MLYCD: variants seen among roughly 807,000 people sequenced by gnomAD.
MLYCD encodes malonyl-CoA decarboxylase.
Under a neutral mutation model 35.8 loss-of-function variants are expected in MLYCD, and 27 were observed. The ratio of observed to expected loss-of-function variants is 0.75; its 90% confidence interval spans 0.56 to 1.04. The LOEUF is 1.04. MLYCD is among the 50% of genes least tolerant of loss of function. MLYCD has a pLI of 0.00. For synonymous variants in MLYCD, 403 were observed against 302.4 expected (o/e 1.33, Z -3.45); for missense variants, 917 against 665.1 (o/e 1.38, Z -4.17).
In MLYCD at chr16:83,899,445, C is replaced by A; in HGVS notation, c.301C>A (p.Gln101Lys). 6.6e-7 allele frequency: 1 copy of A among 1,521,492 alleles called. No homozygotes were observed. The highest frequency in any genetic ancestry group is 2.0e-5 in the Admixed American group (1 of 48,948). The allele number at this position is 1,521,492 out of a possible 1,614,324, so 94.2% of individuals were successfully genotyped here. The change falls in exon 1 of 5, where the codon CAG becomes AAG. Residue 101 changes from glutamine to lysine, a missense_variant. By Grantham distance (53) the Gln-to-Lys change is moderately conservative. Transcript: ENST00000262430. The stretch of plus-strand genomic sequence containing the variant: ...GCGGGGCTTCGGCGTGGACCACGGC[C>A]AGGTGGCGGAGCAGAGCGCCGGCGT... ...LARGFGVDHGQVAEQSAGVLH... is the reference protein window; with the variant it reads ...LARGFGVDHGKVAEQSAGVLH...
intron 1 of MLYCD, among the ~76,000 whole-genome samples, chr16:83,901,312 G>T (rs1244187966): frequency 6.6e-6 from 1 of 152,174 alleles, no homozygotes; most frequent in Non-Finnish European, 1.5e-5. Flanking sequence ...CCATGTAAAT[G>T]ATCAGCTCCT....
rs1907816283 is a variant in MLYCD at position 83,926,628 on chromosome 16, C to T, written c.*11139C>T. On this transcript the variant is annotated 3_prime_UTR_variant, in exon 5 of 5. Coordinates refer to ENST00000262430, the MANE Select transcript of MLYCD (RefSeq NM_012213.3). Reference sequence around the variant, plus strand: ...AACACAAGGACACCTCCGATTTCGTCCTGTGAATGTTGATATTAGTGGTCC... The same window carrying T: ...AACACAAGGACACCTCCGATTTCGTTCTGTGAATGTTGATATTAGTGGTCC... The T allele has an allele frequency of 6.6e-6, 1 of 152,274 alleles. No individual in the cohort carries two copies. Among genetic ancestry groups the T allele is most frequent in the South Asian group, 2.1e-4 (1 of 4,830 alleles). 9.4% of individuals were successfully genotyped at this position (152,274 alleles called of 1,614,324 possible). A position where few individuals can be genotyped will look rare whatever the true frequency, so the allele number is the denominator to read the frequency against.
rs1907772651 is a variant in MLYCD, at chr16:83,925,312, A to C, written c.*9823A>C. ...GCGAGGCCACCTCCAACTGTGTAAC[A>C]CAGAAGCCTGGGTGCCATCCCTGGG... is the stretch of plus-strand genomic sequence containing the variant. On this transcript the variant is annotated 3_prime_UTR_variant, in exon 5 of 5. Coordinates refer to ENST00000262430, the MANE Select transcript of MLYCD (RefSeq NM_012213.3). 1.3e-5 allele frequency: 2 copies of C among 152,598 alleles called. No individual in the cohort carries two copies. The highest frequency in any genetic ancestry group is 1.3e-4 in the Admixed American group (2 of 15,278). 9.5% of individuals were successfully genotyped at this position (152,598 alleles called of 1,614,324 possible).
intron 4 of MLYCD, chr16:83,913,160 G>C (rs570057330): frequency 6.6e-6 from 1 of 152,422 alleles, no homozygotes; most frequent in Non-Finnish European, 1.5e-5. Flanking sequence ...GAGTGGGGAC[G>C]TTTACATGCT....
chr16:83,915,903 C>T lies in MLYCD; in HGVS notation c.*414C>T, dbSNP rs567659381. The stretch of plus-strand genomic sequence containing the variant: ...AGATAAGAATAGGTGTTCCTTTGTG[C>T]TCATAAAACAGAATGCGGCGATGGT... On this transcript the variant is annotated 3_prime_UTR_variant, in exon 5 of 5. Transcript: ENST00000262430. 15 of 1,104,702 alleles carry T rather than the reference C, an allele frequency of 1.4e-5. No homozygotes were observed. The highest frequency in any genetic ancestry group is 3.2e-5 in the African/African-American group (2 of 62,066). 68.4% of individuals were successfully genotyped at this position (1,104,702 alleles called of 1,614,324 possible). A position where few individuals can be genotyped will look rare whatever the true frequency, so the allele number is the denominator to read the frequency against.
chr16:83,912,488 A>AG, intron 4 of MLYCD, 121 bp downstream of exon 4: 6 of 1,388,234 alleles, frequency 4.3e-6, no homozygotes, highest in Non-Finnish European at 6.0e-6. Context: ...AGGGAGGGGC[A>AG]GGGGGTAGAA....
At position 83,907,669 on chromosome 16, in the gene MLYCD, A is replaced by C. The variant is rs149254075; in HGVS notation, c.642-457A>C. On this transcript the variant is annotated intron_variant, in intron 2 of 4. Transcript: ENST00000262430. ...GTCCTATTTGAAATGTAACCAATTC[A>C]ATTCAAAGGGCTGACAGTGCCTGCT... 4.5e-4 allele frequency among the ~76,000 whole-genome samples: 69 copies of C among 152,292 alleles called. 1 individual carries two copies. The highest frequency in any genetic ancestry group is 1.5e-3 in the African/African-American group (64 of 41,556).
rs1907495035 is a variant in MLYCD at position 83,918,133 on chromosome 16, C to G, written c.*2644C>G. The G allele has an allele frequency of 6.6e-6, 1 of 152,272 alleles. No homozygotes were observed. Among genetic ancestry groups the G allele is most frequent in the African/African-American group, 2.4e-5 (1 of 41,476 alleles). The allele number at this position is 152,272 out of a possible 1,614,324, so 9.4% of individuals were successfully genotyped here. On this transcript the variant is annotated 3_prime_UTR_variant, in exon 5 of 5. Transcript: ENST00000262430. ...CCTCCAGCAAGGCGGCTCATCACAT[C>G]ACGTTACTCTTTAGGTCAAATGTAA...
At position 83,917,967 on chromosome 16, in the gene MLYCD, A is replaced by C. The variant is rs151091611; in HGVS notation, c.*2478A>C. The C allele has an allele frequency of 6.6e-6, 1 of 152,332 alleles. No homozygotes were observed. Among genetic ancestry groups the C allele is most frequent in the East Asian group, 1.9e-4 (1 of 5,178 alleles). 9.4% of individuals were successfully genotyped at this position (152,332 alleles called of 1,614,324 possible). On this transcript the variant is annotated 3_prime_UTR_variant, in exon 5 of 5. Transcript: ENST00000262430. Reference sequence around the variant, plus strand: ...CACAGGCCGCTGGGAGGACGGGCTCAGGTGACATCTGCCGAGGCTTTGGCT... The same window carrying C: ...CACAGGCCGCTGGGAGGACGGGCTCCGGTGACATCTGCCGAGGCTTTGGCT...
chr16:83,906,957 G>A, intron 1 of MLYCD, 30 bp from the exon 2 acceptor site: 1 of 1,585,392 alleles, frequency 6.3e-7, no homozygotes, highest in Non-Finnish European at 8.7e-7. Flanking sequence ...TCGCACATTG[G>A]AGGCCTGGGA....
At chr16:83,911,081 A>G (rs2151058284) in intron 3 of MLYCD, among the ~76,000 whole-genome samples, 1 of 152,066 alleles carries the variant, frequency 6.6e-6, no homozygotes, top group African/African-American at 2.4e-5. Context: ...GGTTCACACC[A>G]TTCTCCTGCC....
chr16:83,912,476 A>G (rs1907215564), intron 4 of MLYCD, 109 bp downstream of exon 4: 1 of 1,464,224 alleles, frequency 6.8e-7, no homozygotes, highest in East Asian at 2.3e-5. Context: ...GACAGGAGCT[A>G]AAGGGAGGGG....
chr16:83,900,917 C>T (rs1873968490), intron 1 of MLYCD, among the ~76,000 whole-genome samples: 1 of 152,120 alleles, frequency 6.6e-6, no homozygotes, highest in South Asian at 2.1e-4. Context: ...GATCACCCAC[C>T]CTAATCCAGG....
At position 83,910,542 on chromosome 16, in the gene MLYCD, T is replaced by G. The variant is rs187101337; in HGVS notation, c.799-1676T>G. The stretch of plus-strand genomic sequence containing the variant: ...CCGTCTCTACTAAAAATACAAAAAT[T>G]AGCCGGGTGTGGTGGTGTGCACCTG... On this transcript the variant is annotated intron_variant, in intron 3 of 4. Coordinates refer to ENST00000262430, the MANE Select transcript of MLYCD (RefSeq NM_012213.3). Among the ~76,000 whole-genome samples, 464 of 151,928 alleles carry G rather than the reference T, an allele frequency of 3.1e-3. 3 individuals are homozygous for G. Among genetic ancestry groups the G allele is most frequent in the Middle Eastern group, 0.01 (3 of 292 alleles).
Position 83,924,230 on chromosome 16 carries a change from G to A in MLYCD, c.*8741G>A, listed in dbSNP as rs1474036969. ...GACCCCAGACTCAGCCCGGGCCGTGGTGGGAACGATGGTTGGCCCGGTTTG... is the reference window on the plus strand; with the variant it reads ...GACCCCAGACTCAGCCCGGGCCGTGATGGGAACGATGGTTGGCCCGGTTTG... On this transcript the variant is annotated 3_prime_UTR_variant, in exon 5 of 5. Transcript: ENST00000262430. The A allele has an allele frequency of 6.6e-6, 1 of 152,262 alleles. No homozygotes were observed. Among genetic ancestry groups the A allele is most frequent in the Admixed American group, 6.5e-5 (1 of 15,286 alleles). 9.4% of individuals were successfully genotyped at this position (152,262 alleles called of 1,614,324 possible). A position where few individuals can be genotyped will look rare whatever the true frequency, so the allele number is the denominator to read the frequency against.
chr16:83,911,574 A>C (rs1907181176), intron 3 of MLYCD: 1 of 153,896 alleles, frequency 6.5e-6, no homozygotes, highest in Non-Finnish European at 1.4e-5. Flanking sequence ...CTCAGACTTC[A>C]GCTAAGCGAC....
intron 4 of MLYCD, chr16:83,913,086 T>C (rs562774324): frequency 7.6e-5 from 12 of 157,316 alleles, no homozygotes; most frequent in Admixed American, 6.0e-4. Flanking sequence ...CTGAGCAGGG[T>C]GTTCACTGTG....
Position 83,915,788 on chromosome 16 carries a change from G to C in MLYCD, c.*299G>C. 7 of 1,301,390 alleles carry C rather than the reference G, an allele frequency of 5.4e-6. No individual in the cohort carries two copies. Among genetic ancestry groups the C allele is most frequent in the Non-Finnish European group, 6.9e-6 (7 of 1,015,800 alleles). The allele number at this position is 1,301,390 out of a possible 1,614,324, so 80.6% of individuals were successfully genotyped here. A position where few individuals can be genotyped will look rare whatever the true frequency, so the allele number is the denominator to read the frequency against. ...GCTCCCTGCCCGGGGCTGGTGCTGTGGTACCTACATCTTCAGGAAGCTGTG... is the reference window on the plus strand; with the variant it reads ...GCTCCCTGCCCGGGGCTGGTGCTGTCGTACCTACATCTTCAGGAAGCTGTG... On this transcript the variant is annotated 3_prime_UTR_variant, in exon 5 of 5. Transcript: ENST00000262430.
intron 4 of MLYCD, chr16:83,913,335 G>A (rs62047935): frequency 0.028 from 4,280 of 152,378 alleles, 70 homozygotes; most frequent in Non-Finnish European, 0.039. Context: ...TTAGCAGGGC[G>A]GGGTGGGGAA....
Sources: allele counts gnomAD v4.1 joint callset (sites outside exome capture counted in the v4.1 genomes callset), GRCh38; gene constraint gnomAD v4.1.1; transcripts MANE v1.5; gene names NCBI Gene and HGNC (gene_info 2026-07-23, HGNC 2026-07-21).